PCDH7: variants seen among roughly 807,000 people sequenced by gnomAD.
The protein encoded by PCDH7 is protocadherin-7.
Under a neutral mutation model 58.9 loss-of-function variants are expected in PCDH7, and 17 were observed. That is an observed-to-expected ratio of 0.29 (90% CI 0.20 to 0.43). PCDH7 has a LOEUF of 0.43. Among genes scored for constraint, PCDH7 ranks in the 20% least tolerant of loss-of-function variants. The pLI is 1.00. For synonymous variants in PCDH7, 664 were observed against 616.4 expected (o/e 1.08, Z -1.14); for missense variants, 1,274 against 1,441.0 (o/e 0.88, Z 1.88).
chr4:30,793,667 T>A lies in PCDH7; in HGVS notation c.70+69071T>A, dbSNP rs556238889. Among the ~76,000 whole-genome samples the A allele has an allele frequency of 1.3e-4, 20 of 152,308 alleles. No individual in the cohort carries two copies. In the East Asian group the frequency reaches 3.7e-3, roughly 28 times the overall value. On this transcript the variant is annotated intron_variant, in intron 1 of 3. Coordinates refer to the PCDH7 transcript ENST00000509759. ...CTTTGTTCCTGAATTCAGAACAGAT[T>A]TTTTTAAAAGGCATTTTGATGGTAT...
At chr4:31,084,663 AG>A (rs1712098396) in intron 3 of PCDH7, among the ~76,000 whole-genome samples, 1 of 131,244 alleles carries the variant, frequency 7.6e-6, no homozygotes, top group Non-Finnish European at 1.6e-5. Context: ...AGAAAGAGAG[AG>A]AGAGAGAGAG....
chr4:31,069,845 T>TGGTTC (rs1758395648), intron 3 of PCDH7, among the ~76,000 whole-genome samples: 1 of 85,544 alleles, frequency 1.2e-5, no homozygotes, highest in Non-Finnish European at 2.3e-5. Flanking sequence ...ATATATTTTA[T>TGGTTC]ATATAAATTA....
At position 30,723,250 on chromosome 4, in the gene PCDH7, A is replaced by G. The variant is rs746187056; in HGVS notation, c.1828A>G (p.Asn610Asp). ...GACTGACAGGTATGAGTTTAAAGTT[A>G]ACGCCAAAGACAAAGGCATCCCCGT... Residue 610 changes from asparagine (N) to aspartate (D), a missense_variant, in exon 1 of 2, where the codon AAC (asparagine) becomes GAC (aspartate). Asn to Asp is a conservative substitution (Grantham distance 23, BLOSUM62 1). Transcript: ENST00000361762. This position sits in a 1 kb window ranked among gnomAD's most constrained non-coding sequence, Gnocchi z 4.6. The G allele has an allele frequency of 5.0e-6, 8 of 1,614,112 alleles. No individual in the cohort carries two copies. The African/African-American group carries it at 1.1e-4, about 22-fold the overall frequency.
chr4:31,097,392 T>C (rs548872511), intron 3 of PCDH7, among the ~76,000 whole-genome samples: 1 of 150,674 alleles, frequency 6.6e-6, no homozygotes, highest in South Asian at 2.1e-4. Flanking sequence ...AGGTGGAGGT[T>C]GCAGTGAGCT....
chr4:30,898,305 C>A (rs1739720428), intron 1 of PCDH7, among the ~76,000 whole-genome samples: 1 of 152,054 alleles, frequency 6.6e-6, no homozygotes, highest in African/African-American at 2.4e-5. Flanking sequence ...GGCTGGCACT[C>A]ACCCTTTCAG....
In PCDH7 at chr4:31,088,681, T is replaced by G. The variant is rs142519055; in HGVS notation, c.*8-53792T>G. Among the ~76,000 whole-genome samples, 22 of 152,184 alleles carry G rather than the reference T, an allele frequency of 1.4e-4. 1 individual carries two copies. The East Asian group carries it at 3.9e-3, about 27-fold the overall frequency. ...TTGTGATTTTGCCTAAAAACATTATTGCTGAGTCTTTTAAAAGAGTGTATT... is the reference window on the plus strand; with the variant it reads ...TTGTGATTTTGCCTAAAAACATTATGGCTGAGTCTTTTAAAAGAGTGTATT... On this transcript the variant is annotated intron_variant, in intron 3 of 3. Transcript: ENST00000509759.
At chr4:30,968,376 C>CTA (rs60085619) in intron 3 of PCDH7, among the ~76,000 whole-genome samples, 2,296 of 66,922 alleles carry the variant, frequency 0.034, 70 homozygotes, top group Non-Finnish European at 0.042. Flanking sequence ...TATACACACA[C>CTA]TATATATATA....
In PCDH7 at chr4:30,972,820, G is replaced by T. The variant is rs77109446; in HGVS notation, c.*7+22605G>T. On this transcript the variant is annotated intron_variant, in intron 3 of 3. Transcript: ENST00000509759. ...CCCCACTCTACCACACGGAGTGTCA[G>T]ACTCACTGGACAGCATAAACTCACA... Among the ~76,000 whole-genome samples the T allele has an allele frequency of 3.3e-5, 5 of 152,240 alleles. No homozygotes were observed. In the East Asian group the frequency reaches 9.7e-4, roughly 29 times the overall value.
rs112457362 is a variant in PCDH7, at chr4:30,740,195, G to C, written c.70+15599G>C. 4.8e-3 allele frequency among the ~76,000 whole-genome samples: 724 copies of C among 152,270 alleles called. 6 individuals carry two copies. The highest frequency in any genetic ancestry group is 0.016 in the African/African-American group (677 of 41,564). ...TGCCACTGTGCATATATGAAGTAGA[G>C]GGAACACATCTATTTTACAGCCAAC... On this transcript the variant is annotated intron_variant, in intron 1 of 3. Coordinates refer to the PCDH7 transcript ENST00000509759.
intron 1 of PCDH7, among the ~76,000 whole-genome samples, chr4:30,915,724 A>T (rs1475527182): frequency 6.6e-6 from 1 of 152,062 alleles, no homozygotes; most frequent in Non-Finnish European, 1.5e-5. Context: ...GGGTTTCACC[A>T]TGTTGGCCAG....
At chr4:31,089,839 G>A (rs778095962) in intron 3 of PCDH7, among the ~76,000 whole-genome samples, 3 of 152,050 alleles carry the variant, frequency 2.0e-5, no homozygotes, top group East Asian at 1.9e-4. Context: ...GGAAAAATCC[G>A]CAAAATCAGC....
At chr4:30,805,578 G>A (rs1212778139) in intron 1 of PCDH7, among the ~76,000 whole-genome samples, 2 of 152,058 alleles carry the variant, frequency 1.3e-5, no homozygotes, top group Non-Finnish European at 2.9e-5. Flanking sequence ...GTAAAATCAT[G>A]GATTATTTCC....
intron 3 of PCDH7, among the ~76,000 whole-genome samples, chr4:31,099,806 A>G (rs1281529706): frequency 6.6e-6 from 1 of 151,546 alleles, no homozygotes; most frequent in Admixed American, 6.6e-5. Context: ...ATATACATAC[A>G]TATATATATA....
At chr4:30,773,979 G>T (rs1195530088) in intron 1 of PCDH7, among the ~76,000 whole-genome samples, 1 of 152,174 alleles carries the variant, frequency 6.6e-6, no homozygotes, top group Non-Finnish European at 1.5e-5. Flanking sequence ...ACTGGAAGTA[G>T]CACCTGAGAT....
intron 1 of PCDH7, among the ~76,000 whole-genome samples, chr4:30,897,875 C>A (rs1205261930): frequency 2.0e-5 from 3 of 152,086 alleles, no homozygotes; most frequent in Non-Finnish European, 4.4e-5. Context: ...CCAACTAGTA[C>A]AATATATATG....
At chr4:31,051,740 C>T (rs1472621238) in intron 3 of PCDH7, among the ~76,000 whole-genome samples, 1 of 150,720 alleles carries the variant, frequency 6.6e-6, no homozygotes, top group Non-Finnish European at 1.5e-5. Flanking sequence ...GCTAACACAT[C>T]AGGTATGCAA....
chr4:30,913,605 T>C (rs551554242), intron 1 of PCDH7, among the ~76,000 whole-genome samples: 2 of 152,296 alleles, frequency 1.3e-5, no homozygotes, highest in South Asian at 4.2e-4. Context: ...AGGTGCTTTA[T>C]GTTATCAATC....
chr4:31,127,421 C>T (rs937429525), intron 3 of PCDH7, among the ~76,000 whole-genome samples: 1 of 152,112 alleles, frequency 6.6e-6, no homozygotes, highest in African/African-American at 2.4e-5. Context: ...ACCAGCAGTA[C>T]AATTAGATAG....
At chr4:31,099,994 G>GGAGGGAGGGAGGGAAAAAGA (rs1399807866) in intron 3 of PCDH7, among the ~76,000 whole-genome samples, 1 of 151,930 alleles carries the variant, frequency 6.6e-6, no homozygotes, top group Non-Finnish European at 1.5e-5. Context: ...AAGGAGGAAG[G>GGAGGGAGGGAGGGAAAAAGA]GAGGGAGGGA....
Sources: allele counts gnomAD v4.1 joint callset (sites outside exome capture counted in the v4.1 genomes callset), GRCh38; gene constraint gnomAD v4.1.1; non-coding constraint Gnocchi (gnomAD v3.1); transcripts MANE v1.5; gene names NCBI Gene and HGNC (gene_info 2026-07-23, HGNC 2026-07-21).